The following NCKAP5 variants were observed in gnomAD, a reference collection of about 807,000 sequenced individuals.
NCKAP5 encodes NCK associated protein 5.
Under a neutral mutation model 167.0 loss-of-function variants are expected in NCKAP5, and 92 were observed. That is an observed-to-expected ratio of 0.55 (90% confidence interval 0.47 to 0.66). NCKAP5 has a LOEUF of 0.66. Among genes scored for constraint, NCKAP5 ranks in the 30% least tolerant of loss-of-function variants. The probability of loss-of-function intolerance (pLI) is 0.00; values close to 1 mark genes in which losing one functional copy is unlikely to be tolerated. For synonymous variants in NCKAP5, 891 were observed against 877.4 expected (o/e 1.02, Z -0.27); for missense variants, 2,378 against 2,315.0 (o/e 1.03, Z -0.56).
intron 3 of NCKAP5, among the ~76,000 whole-genome samples, chr2:133,313,917 C>G (rs990090882): frequency 6.6e-6 from 1 of 152,242 alleles, no homozygotes; most frequent in South Asian, 2.1e-4. Context: ...AGTTCAAAGA[C>G]TAATTTAAAT....
chr2:132,900,621 A>G (rs1027540955), intron 8 of NCKAP5, among the ~76,000 whole-genome samples: 3 of 152,208 alleles, frequency 2.0e-5, no homozygotes, highest in Non-Finnish European at 4.4e-5. Flanking sequence ...ATCAAGTCCA[A>G]CCACATAATT....
At chr2:132,993,779 T>C (rs999573157) in intron 7 of NCKAP5, among the ~76,000 whole-genome samples, 1 of 152,200 alleles carries the variant, frequency 6.6e-6, no homozygotes, top group Non-Finnish European at 1.5e-5. Flanking sequence ...CTGGCAAGTA[T>C]TTATTCCTCA....
intron 3 of NCKAP5, among the ~76,000 whole-genome samples, chr2:133,315,373 G>C (rs974396352): frequency 1.1e-4 from 17 of 152,250 alleles, no homozygotes; most frequent in Admixed American, 1.0e-3. Flanking sequence ...TATTTGATTT[G>C]GGGCCTGAGC....
chr2:133,359,343 A>G (rs1357204856), intron 3 of NCKAP5, among the ~76,000 whole-genome samples: 1 of 152,176 alleles, frequency 6.6e-6, no homozygotes, highest in Non-Finnish European at 1.5e-5. Flanking sequence ...GTCTTACCCT[A>G]TATCACTATT....
intron 2 of NCKAP5, among the ~76,000 whole-genome samples, chr2:133,527,792 C>T (rs917482791): frequency 1.3e-5 from 2 of 152,044 alleles, no homozygotes; most frequent in East Asian, 1.9e-4. Context: ...AGGCCAGGTT[C>T]GGTGGTTCAT....
chr2:132,866,667 C>A (rs1227701197), intron 10 of NCKAP5, among the ~76,000 whole-genome samples: 1 of 152,118 alleles, frequency 6.6e-6, no homozygotes, highest in Non-Finnish European at 1.5e-5. Context: ...CAGTGAAGAG[C>A]TGAAGCCACA....
chr2:133,094,532 G>A (rs777713230), intron 6 of NCKAP5, among the ~76,000 whole-genome samples: 3 of 152,158 alleles, frequency 2.0e-5, no homozygotes, highest in East Asian at 1.9e-4. Flanking sequence ...GTATACTTAT[G>A]TGCATTTGGT....
chr2:133,413,565 AAC>A (rs1460775491), intron 3 of NCKAP5, among the ~76,000 whole-genome samples: 1 of 152,052 alleles, frequency 6.6e-6, no homozygotes, highest in Non-Finnish European at 1.5e-5. Context: ...TATTTCTCAC[AAC>A]TGCATGCAAA....
intron 3 of NCKAP5, among the ~76,000 whole-genome samples, chr2:133,351,614 A>G (rs1684367597): frequency 6.6e-6 from 1 of 152,130 alleles, no homozygotes; most frequent in African/African-American, 2.4e-5. Context: ...TGTTTCCTAA[A>G]AGACACACAA....
Position 132,738,306 on chromosome 2 carries a change from A to C in NCKAP5, c.5129-6255T>G, listed in dbSNP as rs566752454. On this transcript the variant is annotated intron_variant, in intron 16 of 19. Transcript: ENST00000409261. Reference sequence around the variant, plus strand: ...AGGACAGCCAACAGTAGGCTGTTCTAACATCCTCCTCAGTCCCTGTGCCAG... The same window carrying C: ...AGGACAGCCAACAGTAGGCTGTTCTCACATCCTCCTCAGTCCCTGTGCCAG... Among the ~76,000 whole-genome samples, 17 of 152,312 alleles carry C rather than the reference A, an allele frequency of 1.1e-4. No homozygotes were observed. The Middle Eastern group carries it at 0.01, about 91-fold the overall frequency.
At position 132,988,460 on chromosome 2, in the gene NCKAP5, C is replaced by CAA. The variant is rs57024269; in HGVS notation, c.429+5690_429+5691dup. On this transcript the variant is annotated intron_variant, in intron 7 of 19. Coordinates refer to ENST00000409261, the MANE Select transcript of NCKAP5 (RefSeq NM_207363.3). Reference sequence around the variant, plus strand: ...GTGGCTACAGAGCAAGACTTTGCCTCAAAAAAAAAAAAAAAAAAAAAAAGC... The same window carrying CAA: ...GTGGCTACAGAGCAAGACTTTGCCTCAAAAAAAAAAAAAAAAAAAAAAAAAGC... Among the ~76,000 whole-genome samples, 464 of 69,082 alleles carry CAA rather than the reference C, an allele frequency of 6.7e-3. 5 individuals carry two copies. The highest frequency in any genetic ancestry group is 0.014 in the African/African-American group (285 of 19,716). The allele number at this position is 69,082 out of a possible 152,430, so 45.3% of individuals were successfully genotyped here. A position where few individuals can be genotyped will look rare whatever the true frequency, so the allele number is the denominator to read the frequency against.
chr2:133,614,693 G>C, the NCKAP5 span, among the ~76,000 whole-genome samples: 3 of 152,298 alleles, frequency 2.0e-5, no homozygotes, highest in South Asian at 6.2e-4. Flanking sequence ...TGAAAGTGAC[G>C]GGGAGAACGG....
the NCKAP5 span, among the ~76,000 whole-genome samples, chr2:133,658,503 C>T: frequency 6.6e-6 from 1 of 152,168 alleles, no homozygotes; most frequent in Non-Finnish European, 1.5e-5. Context: ...ATTGGCCCCC[C>T]TGCTGTCCTG....
At chr2:133,637,167 G>T in the NCKAP5 span, among the ~76,000 whole-genome samples, 12 of 150,986 alleles carry the variant, frequency 7.9e-5, no homozygotes, top group Non-Finnish European at 1.6e-4. Context: ...CTACTTTCCC[G>T]CACTTCTCCT....
intron 6 of NCKAP5, among the ~76,000 whole-genome samples, chr2:133,010,458 A>C (rs2149359613): frequency 6.6e-6 from 1 of 152,320 alleles, no homozygotes; most frequent in African/African-American, 2.4e-5. Context: ...CCAGGCCTCA[A>C]GATAATGCTC....
chr2:133,576,105 G>A, the NCKAP5 span, among the ~76,000 whole-genome samples: 26,155 of 152,202 alleles, frequency 0.17, 2,439 homozygotes, highest in East Asian at 0.32. Context: ...TAGATTTGAC[G>A]CAACTTGGGC....
At chr2:133,193,287 C>A (rs1029842108) in intron 5 of NCKAP5, among the ~76,000 whole-genome samples, 1 of 151,978 alleles carries the variant, frequency 6.6e-6, no homozygotes, top group Non-Finnish European at 1.5e-5. Flanking sequence ...TATGAAAGCA[C>A]AACGTAAGGG....
chr2:132,805,716 TAA>T (rs1461259522), intron 11 of NCKAP5, among the ~76,000 whole-genome samples: 2 of 151,990 alleles, frequency 1.3e-5, no homozygotes, highest in Non-Finnish European at 2.9e-5. Context: ...GGTCTTGTGC[TAA>T]GTGTTTACAT....
At chr2:133,153,743 C>G (rs988792121) in intron 5 of NCKAP5, among the ~76,000 whole-genome samples, 1 of 146,388 alleles carries the variant, frequency 6.8e-6, no homozygotes, top group African/African-American at 2.5e-5. Context: ...TCCTAGAATG[C>G]CTTCCCCTCC....
Sources: gnomAD v4.1 joint callset for allele counts (sites outside exome capture counted in the v4.1 genomes callset) on GRCh38, gnomAD v4.1.1 for gene constraint, MANE v1.5 for transcripts, NCBI Gene and HGNC (gene_info 2026-07-23, HGNC 2026-07-21) for gene names.